Variants in GALNTL6 observed in about 807,000 individuals in gnomAD.
The protein encoded by GALNTL6 is polypeptide N-acetylgalactosaminyltransferase like 6.
GALNTL6 carries 46 observed loss-of-function variants against 73.7 expected under a neutral mutation model. That is an observed-to-expected ratio of 0.62 (90% CI 0.49 to 0.80). The LOEUF is 0.80. GALNTL6 is among the 30% of genes least tolerant of loss of function. The pLI is 0.00. For synonymous variants in GALNTL6, 259 were observed against 263.7 expected (o/e 0.98, Z 0.17); for missense variants, 604 against 755.0 (o/e 0.80, Z 2.34).
chr4:171,968,486 C>A (rs1041467743), intron 2 of GALNTL6, among the ~76,000 whole-genome samples: 1 of 152,162 alleles, frequency 6.6e-6, no homozygotes, highest in Non-Finnish European at 1.5e-5. Flanking sequence ...TCTTCCTCTT[C>A]CTGTAAGGCT....
chr4:172,420,825 G>A (rs1025485136), intron 5 of GALNTL6, among the ~76,000 whole-genome samples: 1 of 151,872 alleles, frequency 6.6e-6, no homozygotes, highest in Non-Finnish European at 1.5e-5. Context: ...CATGGAATAC[G>A]ATGCAGCCAA....
At position 171,917,474 on chromosome 4, in the gene GALNTL6, A is replaced by G. The variant is rs78284080; in HGVS notation, c.138+102756A>G. Among the ~76,000 whole-genome samples, 260 of 152,220 alleles carry G rather than the reference A, an allele frequency of 1.7e-3. 4 individuals are homozygous for G. The highest frequency in any genetic ancestry group is 0.01 in the East Asian group (54 of 5,176). ...GTTTCATGTTAGCTCAGGGCCATTT[A>G]TCAGCTTGAAGAGTGTTAATATTTC... On this transcript the variant is annotated intron_variant, in intron 2 of 12. Coordinates refer to ENST00000506823, the MANE Select transcript of GALNTL6 (RefSeq NM_001034845.3).
At chr4:171,897,986 A>G (rs1244244785) in intron 2 of GALNTL6, among the ~76,000 whole-genome samples, 2 of 151,788 alleles carry the variant, frequency 1.3e-5, no homozygotes, top group African/African-American at 4.8e-5. Context: ...TTTCAAAACT[A>G]TATCTAACAA....
At chr4:172,051,977 C>G (rs1311564295) in intron 2 of GALNTL6, among the ~76,000 whole-genome samples, 1 of 152,176 alleles carries the variant, frequency 6.6e-6, no homozygotes, top group Non-Finnish European at 1.5e-5. Context: ...TCCAGCCTCT[C>G]CCTTATCAGC....
chr4:171,847,369 T>G (rs1428939977), intron 2 of GALNTL6, among the ~76,000 whole-genome samples: 1 of 152,190 alleles, frequency 6.6e-6, no homozygotes, highest in Admixed American at 6.5e-5. Context: ...TTAATCATTT[T>G]GCTGGTAGAG....
intron 7 of GALNTL6, among the ~76,000 whole-genome samples, chr4:172,879,378 A>G (rs2111184201): frequency 6.6e-6 from 1 of 152,060 alleles, no homozygotes; most frequent in East Asian, 1.9e-4. Context: ...ATTCTAAGCC[A>G]TTAAAATGTC....
chr4:172,894,195 T>C (rs993759228), intron 8 of GALNTL6, among the ~76,000 whole-genome samples: 2 of 152,222 alleles, frequency 1.3e-5, no homozygotes, highest in African/African-American at 4.8e-5. Context: ...CAGTTTCATA[T>C]ATTTATGTTC....
At chr4:171,830,547 A>G (rs1435326755) in intron 2 of GALNTL6, among the ~76,000 whole-genome samples, 2 of 152,198 alleles carry the variant, frequency 1.3e-5, no homozygotes, top group African/African-American at 2.4e-5. Context: ...TAAATATCAT[A>G]TAGGTACTGC....
chr4:171,958,595 A>G (rs1449049230), intron 2 of GALNTL6, among the ~76,000 whole-genome samples: 2 of 152,158 alleles, frequency 1.3e-5, no homozygotes, highest in Non-Finnish European at 2.9e-5. Context: ...GTCACAATTC[A>G]CTGTCAATGT....
chr4:172,877,332 C>T (rs1472333031), intron 7 of GALNTL6, among the ~76,000 whole-genome samples: 1 of 151,572 alleles, frequency 6.6e-6, no homozygotes, highest in African/African-American at 2.4e-5. Context: ...TCATTTATGG[C>T]ATAAAGAGTC....
chr4:171,930,625 A>T (rs537285846), intron 2 of GALNTL6, among the ~76,000 whole-genome samples: 1 of 152,148 alleles, frequency 6.6e-6, no homozygotes, highest in African/African-American at 2.4e-5. Flanking sequence ...ACCTGAGGTC[A>T]GGAGTTCAAG....
At chr4:172,227,669 A>G (rs1017824876) in intron 2 of GALNTL6, among the ~76,000 whole-genome samples, 3 of 152,178 alleles carry the variant, frequency 2.0e-5, no homozygotes, top group Admixed American at 2.0e-4. Flanking sequence ...CAAAAACTTT[A>G]TGTGAGTTCT....
intron 5 of GALNTL6, among the ~76,000 whole-genome samples, chr4:172,349,845 A>T (rs114384125): frequency 0.036 from 3,394 of 94,316 alleles, 127 homozygotes; most frequent in African/African-American, 0.09. Flanking sequence ...ATATATATAT[A>T]TTTTTTTTAA....
intron 2 of GALNTL6, among the ~76,000 whole-genome samples, chr4:172,082,776 A>G (rs572495159): frequency 6.6e-6 from 1 of 152,316 alleles, no homozygotes; most frequent in African/African-American, 2.4e-5. Flanking sequence ...AAGCTCAATG[A>G]ACCTGGACTA....
chr4:172,204,834 G>A (rs899713171), intron 2 of GALNTL6, among the ~76,000 whole-genome samples: 3 of 151,898 alleles, frequency 2.0e-5, no homozygotes, highest in Admixed American at 2.0e-4. Context: ...CAAGATCTAG[G>A]GATAGTTAAT....
intron 5 of GALNTL6, among the ~76,000 whole-genome samples, chr4:172,793,140 C>T (rs1454430220): frequency 6.6e-6 from 1 of 152,110 alleles, no homozygotes; most frequent in African/African-American, 2.4e-5. Flanking sequence ...ATTTTGTTCA[C>T]GGGATATTCA....
chr4:173,035,283 A>G (rs1399538821), intron 12 of GALNTL6, among the ~76,000 whole-genome samples: 2 of 151,884 alleles, frequency 1.3e-5, no homozygotes, highest in African/African-American at 4.8e-5. Flanking sequence ...GGTTCAAGCA[A>G]TTGTCCTGCT....
intron 2 of GALNTL6, among the ~76,000 whole-genome samples, chr4:172,211,648 G>C (rs762220509): frequency 6.6e-6 from 1 of 152,098 alleles, no homozygotes; most frequent in African/African-American, 2.4e-5. Flanking sequence ...TTATCCATGT[G>C]GGCTGTTACA....
intron 10 of GALNTL6, among the ~76,000 whole-genome samples, chr4:172,957,991 C>T (rs1180298606): frequency 2.0e-5 from 3 of 152,010 alleles, no homozygotes; most frequent in Admixed American, 2.0e-4. Flanking sequence ...TAGAGAGATA[C>T]AGTCATGGGG....
Sources: gnomAD v4.1 joint callset for allele counts (sites outside exome capture counted in the v4.1 genomes callset) on GRCh38, gnomAD v4.1.1 for gene constraint, MANE v1.5 for transcripts, NCBI Gene and HGNC (gene_info 2026-07-23, HGNC 2026-07-21) for gene names.